TAS1R3: variants seen among roughly 807,000 people sequenced by gnomAD.
TAS1R3 encodes taste receptor type 1 member 3.
A neutral mutation model predicts 46.1 loss-of-function variants in TAS1R3; 58 were observed. The ratio of observed to expected loss-of-function variants is 1.26; its 90% CI spans 1.02 to 1.57. TAS1R3 has a LOEUF of 1.57. Among genes scored for constraint, TAS1R3 ranks in the 40% most tolerant of loss-of-function variants. TAS1R3 has a pLI of 0.00. For missense variants in TAS1R3, 1,422 were observed against 1,185.8 expected, an observed-to-expected ratio of 1.20 and a Z score of -2.93; for synonymous variants, 724 against 544.7, an observed-to-expected ratio of 1.33 and a Z score of -4.58.
chr1:1,334,276 C>T lies in TAS1R3; in HGVS notation c.2371C>T (p.Pro791Ser), dbSNP rs142104610. ...LLANVQVVLR[P>S]AVQMGALLLC... ...GGCCAATGTGCAGGTGGTCCTCAGG[C>T]CCGCCGTGCAGATGGGCGCCCTCCT... Residue 791 changes from proline to serine, a missense_variant, in exon 6 of 6, where the codon CCC becomes TCC. Pro to Ser is a moderately conservative substitution (Grantham distance 74). Transcript: ENST00000339381. 2 of 1,611,834 alleles carry T rather than the reference C, an allele frequency of 1.2e-6. No homozygotes were observed. Among genetic ancestry groups the T allele is most frequent in the South Asian group, 2.2e-5 (2 of 90,930 alleles).
rs1643472384 is a variant in TAS1R3, at chr1:1,333,256, C to T, written c.1480-3C>T. On this transcript the variant is annotated splice_region_variant and splice_polypyrimidine_tract_variant and intron_variant, in intron 4 of 5. Coordinates refer to ENST00000339381, the MANE Select transcript of TAS1R3 (RefSeq NM_152228.3). ...CAGAGCCAGACCCCAGGCCTGTGCG[C>T]AGAAGCCCGTGTCCCGGTGCTCGCG... The T allele has an allele frequency of 6.3e-7, 1 of 1,598,830 alleles. No homozygotes were observed. Among genetic ancestry groups the T allele is most frequent in the South Asian group, 1.1e-5 (1 of 89,434 alleles).
rs751947960 is a variant in TAS1R3, at chr1:1,332,937, A to G, written c.1292A>G (p.Tyr431Cys). Residue 431 changes from tyrosine (Y) to cysteine (C), a missense_variant, in exon 4 of 6, where the codon TAC (tyrosine) becomes TGC (cysteine). Coordinates refer to ENST00000339381, the MANE Select transcript of TAS1R3 (RefSeq NM_152228.3). ...VKPWQLLENM[Y>C]NLTFHVGGLP... is the part of the protein sequence containing the mutation. ...CGCCCGCAGCTCCTGGAGAACATGT[A>G]CAACCTGACCTTCCACGTGGGCGGG... is the stretch of plus-strand genomic sequence containing the variant. 3.1e-6 allele frequency: 5 copies of G among 1,610,344 alleles called. No homozygotes were observed. Among genetic ancestry groups the G allele is most frequent in the Non-Finnish European group, 2.5e-6 (3 of 1,178,134 alleles).
rs1643463473 is a variant in TAS1R3 at position 1,332,906 on chromosome 1, G to GTCCCT, written c.1276-11_1276-10insTTCCC. The GTCCCT allele has an allele frequency of 1.3e-6, 2 of 1,597,960 alleles. No individual in the cohort carries two copies. The highest frequency in any genetic ancestry group is 1.7e-6 in the Non-Finnish European group (2 of 1,170,408). ...TGGAGGTGGCTGGCGGCTCAGCCCCGTCCCCCGCCCGCAGCTCCTGGAGAA... is the reference window on the plus strand; with the variant it reads ...TGGAGGTGGCTGGCGGCTCAGCCCCGTCCCTTCCCCCGCCCGCAGCTCCTGGAGAA... On this transcript the variant is annotated splice_polypyrimidine_tract_variant and intron_variant, in intron 3 of 5. Transcript: ENST00000339381.
rs1219313820 is a variant in TAS1R3, at chr1:1,334,126, G to C, written c.2221G>C (p.Ala741Pro). Reference protein sequence around the residue: ...GLAHATNATLAFLCFLGTFLV... With the variant: ...GLAHATNATLPFLCFLGTFLV... The stretch of plus-strand genomic sequence containing the variant: ...AGCGCACGCCACCAATGCCACGCTG[G>C]CCTTTCTCTGCTTCCTGGGCACTTT... The change falls in exon 6 of 6, where the codon GCC becomes CCC. Residue 741 changes from alanine to proline, a missense_variant. Physicochemically the swap from Ala to Pro is conservative, Grantham distance 27. Coordinates refer to ENST00000339381, the MANE Select transcript of TAS1R3 (RefSeq NM_152228.3). 1.9e-6 allele frequency: 3 copies of C among 1,580,434 alleles called. No homozygotes were observed. The highest frequency in any genetic ancestry group is 1.7e-6 in the Non-Finnish European group (2 of 1,163,500).
In TAS1R3 at chr1:1,333,812, A is replaced by G. The variant is rs1335810521; in HGVS notation, c.1907A>G (p.Gln636Arg). 4 of 1,597,996 alleles carry G rather than the reference A, an allele frequency of 2.5e-6. No individual in the cohort carries two copies. Among genetic ancestry groups the G allele is most frequent in the East Asian group, 2.2e-5 (1 of 44,656 alleles). Residue 636 changes from glutamine to arginine, a missense_variant, in exon 6 of 6, where the codon CAG becomes CGG. Transcript: ENST00000339381. ...GQPSPARCLA[Q>R]QPLSHLPLTG... ...CCCAGCCCTGCCCGATGCCTGGCCC[A>G]GCAGCCCTTGTCCCACCTCCCGCTC...
At position 1,332,536 on chromosome 1, in the gene TAS1R3, C is replaced by T. The variant is rs761358003; in HGVS notation, c.1005C>T (p.Pro335=). 1.2e-6 allele frequency: 2 copies of T among 1,611,792 alleles called. No individual in the cohort carries two copies. Among genetic ancestry groups the T allele is most frequent in the Admixed American group, 3.3e-5 (2 of 60,020 alleles). ...GGGGTGCCCAGCTGCACGAGTTCCC[C>T]CAGTACGTGAAGACGCACCTGGCCC... ...LQRGAQLHEF[P]QYVKTHLALA... is the part of the protein sequence containing the mutation. The change falls in exon 3 of 6, where the codon CCC becomes CCT. Residue 335 remains proline, a synonymous_variant. Coordinates refer to ENST00000339381, the MANE Select transcript of TAS1R3 (RefSeq NM_152228.3).
In TAS1R3 at chr1:1,333,099, T is replaced by G. The variant is rs779988935; in HGVS notation, c.1454T>G (p.Ile485Ser). ...AGCCTCAGGACAGAGCGCCTGAAGA[T>G]CCGCTGGCACACGTCTGACAACCAG... ...NGSLRTERLK[I>S]RWHTSDNQKP... Residue 485 changes from isoleucine (I) to serine (S), a missense_variant, in exon 4 of 6, where the codon ATC (isoleucine) becomes AGC (serine). Transcript: ENST00000339381. 1 of 1,612,154 alleles carries G rather than the reference T, an allele frequency of 6.2e-7. No homozygotes were observed. Among genetic ancestry groups the G allele is most frequent in the Non-Finnish European group, 8.5e-7 (1 of 1,179,678 alleles).
Position 1,333,035 on chromosome 1 carries a change from T to C in TAS1R3, c.1390T>C (p.Ser464Pro). The change falls in exon 4 of 6, where the codon TCA becomes CCA. Residue 464 changes from serine to proline, a missense_variant. Physicochemically the swap from Ser to Pro is moderately conservative, Grantham distance 74. Coordinates refer to ENST00000339381, the MANE Select transcript of TAS1R3 (RefSeq NM_152228.3). ...CCTGAAGCTGTGGGTGTGGCAGGGC[T>C]CAGTGCCCAGGCTCCACGACGTGGG... ...YDLKLWVWQG[S>P]VPRLHDVGRF... 1 of 1,612,712 alleles carries C rather than the reference T, an allele frequency of 6.2e-7. No individual in the cohort carries two copies. Among genetic ancestry groups the C allele is most frequent in the South Asian group, 1.1e-5 (1 of 91,086 alleles).
rs761512460 is a variant in TAS1R3 at position 1,331,918 on chromosome 1, A to C, written c.472A>C (p.Ser158Arg). The change falls in exon 2 of 6, where the codon AGC becomes CGC. Residue 158 changes from serine to arginine, a missense_variant. Coordinates refer to ENST00000339381, the MANE Select transcript of TAS1R3 (RefSeq NM_152228.3). ...CGCCATGGTCACCGGCAAGTTCTTCAGCTTCTTCCTCATGCCCCAGGTGGG... is the reference window on the plus strand; with the variant it reads ...CGCCATGGTCACCGGCAAGTTCTTCCGCTTCTTCCTCATGCCCCAGGTGGG... ...ELAMVTGKFF[S>R]FFLMPQVSYG... is the part of the protein sequence containing the mutation. The C allele has an allele frequency of 2.5e-6, 4 of 1,611,536 alleles. No homozygotes were observed. The highest frequency in any genetic ancestry group is 2.5e-6 in the Non-Finnish European group (3 of 1,179,080).
chr1:1,331,689 G>C lies in TAS1R3; in HGVS notation c.243G>C (p.Glu81Asp). The change falls in exon 2 of 6, where the codon GAG becomes GAC. Residue 81 changes from glutamate (E) to aspartate (D), a missense_variant. By Grantham distance (45) the Glu-to-Asp change is conservative. Coordinates refer to ENST00000339381, the MANE Select transcript of TAS1R3 (RefSeq NM_152228.3). ...CACTGGCCATGAAAATGGCCGTGGAGGAGATCAACAACAAGTCGGATCTGC... is the reference window on the plus strand; with the variant it reads ...CACTGGCCATGAAAATGGCCGTGGACGAGATCAACAACAAGTCGGATCTGC... The part of the protein sequence containing the change: ...LWALAMKMAV[E>D]EINNKSDLLP... The C allele has an allele frequency of 6.2e-7, 1 of 1,612,914 alleles. No individual in the cohort carries two copies. The highest frequency in any genetic ancestry group is 1.1e-5 in the South Asian group (1 of 91,082).
In TAS1R3 at chr1:1,332,749, C is replaced by T. The variant is rs779921695; in HGVS notation, c.1218C>T (p.Asn406=). 233 of 1,605,416 alleles carry T rather than the reference C, an allele frequency of 1.5e-4. No homozygotes were observed. The highest frequency in any genetic ancestry group is 1.8e-4 in the Non-Finnish European group (216 of 1,179,860). ...ATAGCGTGGCCCAGGCCCTGCACAA[C>T]ACTCTTCAGTGCAACGCCTCAGGCT... ...AVYSVAQALH[N]TLQCNASGCP... is the part of the protein sequence containing the mutation. The change falls in exon 3 of 6, where the codon AAC becomes AAT. Residue 406 remains asparagine (N), a synonymous_variant. Coordinates refer to ENST00000339381, the MANE Select transcript of TAS1R3 (RefSeq NM_152228.3).
intron 3 of TAS1R3, 22 bp downstream of exon 3, chr1:1,332,828 GTGC>G (rs748014047): frequency 1.3e-6 from 2 of 1,596,868 alleles, no homozygotes; most frequent in South Asian, 2.2e-5. Context: ...AGATGGGGGT[GTGC>G]TGTCCTCTGC....
At position 1,333,930 on chromosome 1, in the gene TAS1R3, C is replaced by A. The variant is rs754279183; in HGVS notation, c.2025C>A (p.Cys675Ter). The part of the protein sequence containing the change: ...PLSWADRLSG[C>*]LRGPWAWLVV... ...GCTGGGCAGACCGGCTGAGTGGCTGCCTGCGGGGGCCCTGGGCCTGGCTGG... is the reference window on the plus strand; with the variant it reads ...GCTGGGCAGACCGGCTGAGTGGCTGACTGCGGGGGCCCTGGGCCTGGCTGG... Residue 675 changes from cysteine to a stop codon, truncating the protein, a stop_gained, in exon 6 of 6, where the codon TGC (cysteine) becomes TGA (stop). Coordinates refer to ENST00000339381, the MANE Select transcript of TAS1R3 (RefSeq NM_152228.3). LOFTEE classifies it low-confidence loss of function (END_TRUNC). 1.3e-6 allele frequency: 2 copies of A among 1,599,970 alleles called. No individual in the cohort carries two copies. Among genetic ancestry groups the A allele is most frequent in the Non-Finnish European group, 1.7e-6 (2 of 1,179,682 alleles).
In TAS1R3 at chr1:1,332,464, G is replaced by A; in HGVS notation, c.933G>A (p.Gly311=). Residue 311 remains glycine, a synonymous_variant, in exon 3 of 6, where the codon GGG becomes GGA. Coordinates refer to ENST00000339381, the MANE Select transcript of TAS1R3 (RefSeq NM_152228.3). ...GGCTGACCTCTGACCTGGTCATGGG[G>A]CTGCCCGGCATGGCCCAGATGGGCA... The part of the protein sequence containing the change: ...EAWLTSDLVM[G]LPGMAQMGTV... 3.1e-6 allele frequency: 5 copies of A among 1,609,432 alleles called. No homozygotes were observed. The highest frequency in any genetic ancestry group is 4.2e-6 in the Non-Finnish European group (5 of 1,179,630).
Position 1,334,833 on chromosome 1 carries a change from T to A in TAS1R3, c.*369T>A. On this transcript the variant is annotated 3_prime_UTR_variant, in exon 6 of 6. Transcript: ENST00000339381. Reference sequence around the variant, plus strand: ...ATGGCTGGAAGCCCAAATCAGGCCCTGCCGACCTGACCATGTCCCACCAGG... The same window carrying A: ...ATGGCTGGAAGCCCAAATCAGGCCCAGCCGACCTGACCATGTCCCACCAGG... 4.8e-6 allele frequency: 1 copy of A among 208,720 alleles called. No individual in the cohort carries two copies. Among genetic ancestry groups the A allele is most frequent in the Non-Finnish European group, 9.6e-6 (1 of 103,698 alleles). 12.9% of individuals were successfully genotyped at this position (208,720 alleles called of 1,614,324 possible). A position where few individuals can be genotyped will look rare whatever the true frequency, so the allele number is the denominator to read the frequency against.
rs552198701 is a variant in TAS1R3 at position 1,332,791 on chromosome 1, C to T, written c.1260C>T (p.Pro420=). The change falls in exon 3 of 6, where the codon CCC becomes CCT. Residue 420 remains proline (P), a synonymous_variant. Transcript: ENST00000339381. ...CNASGCPAQD[P]VKPWQLLENM... ...CCTCAGGCTGCCCCGCGCAGGACCC[C>T]GTGAAGCCCTGGCAGGTGAGCCCGG... is the stretch of plus-strand genomic sequence containing the variant. 20 of 1,604,696 alleles carry T rather than the reference C, an allele frequency of 1.2e-5. No homozygotes were observed. The highest frequency in any genetic ancestry group is 7.7e-5 in the South Asian group (7 of 90,912).
In TAS1R3 at chr1:1,333,260, A is replaced by G. The variant is rs1643472426; in HGVS notation, c.1481A>G (p.Lys494Arg). Reference sequence around the variant, plus strand: ...GCCAGACCCCAGGCCTGTGCGCAGAAGCCCGTGTCCCGGTGCTCGCGGCAG... The same window carrying G: ...GCCAGACCCCAGGCCTGTGCGCAGAGGCCCGTGTCCCGGTGCTCGCGGCAG... ...KIRWHTSDNQKPVSRCSRQCQ... is the reference protein window; with the variant it reads ...KIRWHTSDNQRPVSRCSRQCQ... The change falls in exon 5 of 6, where the codon AAG becomes AGG. Residue 494 changes from lysine (K) to arginine (R), a missense_variant and splice_region_variant. Physicochemically the swap from Lys to Arg is conservative, Grantham distance 26. Coordinates refer to ENST00000339381, the MANE Select transcript of TAS1R3 (RefSeq NM_152228.3). 1 of 1,599,320 alleles carries G rather than the reference A, an allele frequency of 6.3e-7. No homozygotes were observed. Among genetic ancestry groups the G allele is most frequent in the Non-Finnish European group, 8.5e-7 (1 of 1,174,986 alleles).
rs1643452346 is a variant in TAS1R3 at position 1,332,514 on chromosome 1, G to A, written c.983G>A (p.Gly328Asp). The change falls in exon 3 of 6, where the codon GGT (glycine) becomes GAT (aspartate). Residue 328 changes from glycine to aspartate, a missense_variant. Coordinates refer to ENST00000339381, the MANE Select transcript of TAS1R3 (RefSeq NM_152228.3). The stretch of plus-strand genomic sequence containing the variant: ...ACGGTGCTTGGCTTCCTCCAGAGGG[G>A]TGCCCAGCTGCACGAGTTCCCCCAG... ...MGTVLGFLQR[G>D]AQLHEFPQYV... 6.2e-7 allele frequency: 1 copy of A among 1,611,414 alleles called. No homozygotes were observed. Among genetic ancestry groups the A allele is most frequent in the Non-Finnish European group, 8.5e-7 (1 of 1,179,948 alleles).
chr1:1,332,817 G>C lies in TAS1R3; in HGVS notation c.1275+11G>C, dbSNP rs769801664. The C allele has an allele frequency of 6.2e-7, 1 of 1,600,578 alleles. No homozygotes were observed. The highest frequency in any genetic ancestry group is 1.7e-5 in the Admixed American group (1 of 59,664). ...GTGAAGCCCTGGCAGGTGAGCCCGG[G>C]AGATGGGGGTGTGCTGTCCTCTGCA... On this transcript the variant is annotated intron_variant, in intron 3 of 5. Transcript: ENST00000339381.
Sources: allele counts gnomAD v4.1 joint callset, GRCh38; gene constraint gnomAD v4.1.1; transcripts MANE v1.5; gene names NCBI Gene and HGNC (gene_info 2026-07-23, HGNC 2026-07-21).